CERS6: variants seen among roughly 807,000 people sequenced by gnomAD.
CERS6 encodes ceramide synthase 6, also known as LAG1 homolog, ceramide synthase 6.
Under a neutral mutation model 56.8 loss-of-function variants are expected in CERS6, and 26 were observed. The observed-to-expected ratio is 0.46, with a 90% CI of 0.34 to 0.63. CERS6 has a LOEUF of 0.63. Ranked by LOEUF, CERS6 falls within the 30% of genes least tolerant of loss-of-function variation. The probability of loss-of-function intolerance (pLI) is 0.01; values close to 1 mark genes in which losing one functional copy is unlikely to be tolerated. For synonymous variants in CERS6, 164 were observed against 173.3 expected (o/e 0.95, Z 0.42); for missense variants, 415 against 467.5 (o/e 0.89, Z 1.04).
At chr2:168,618,969 T>C (rs10930334) in intron 3 of CERS6, among the ~76,000 whole-genome samples, 2,618 of 151,922 alleles carry the variant, frequency 0.017, 103 homozygotes, top group East Asian at 0.16. Flanking sequence ...AACTATACTA[T>C]AAGGCCATAG....
At chr2:168,666,637 C>G (rs1685769194) in intron 4 of CERS6, among the ~76,000 whole-genome samples, 1 of 152,164 alleles carries the variant, frequency 6.6e-6, no homozygotes. Context: ...GTCTTCAGTT[C>G]ATTTGGATAA....
At chr2:168,748,508 A>C (rs1465761637) in intron 8 of CERS6, among the ~76,000 whole-genome samples, 1 of 152,222 alleles carries the variant, frequency 6.6e-6, no homozygotes, top group Non-Finnish European at 1.5e-5. Flanking sequence ...AAGTGTTTGC[A>C]GTGATTTCTG....
At chr2:168,668,381 C>A (rs982089867) in intron 4 of CERS6, among the ~76,000 whole-genome samples, 1 of 152,050 alleles carries the variant, frequency 6.6e-6, no homozygotes, top group Non-Finnish European at 1.5e-5. Context: ...GACAGCATGT[C>A]CTAAGGAGTC....
intron 4 of CERS6, among the ~76,000 whole-genome samples, chr2:168,634,444 G>A (rs188426031): frequency 1.6e-4 from 24 of 152,162 alleles, no homozygotes; most frequent in African/African-American, 4.8e-4. Flanking sequence ...ATGGAGTCTC[G>A]CTCTGCCGCC....
intron 1 of CERS6, among the ~76,000 whole-genome samples, chr2:168,517,617 GAAGCCTTT>G (rs1271300465): frequency 1.1e-4 from 17 of 151,982 alleles, no homozygotes; most frequent in Non-Finnish European, 2.9e-5. Context: ...AAGGGCTATT[GAAGCCTTT>G]AATGCCTCTT....
chr2:168,527,137 A>G lies in CERS6; in HGVS notation c.171-20459A>G. Among the ~76,000 whole-genome samples the G allele has an allele frequency of 1.3e-5, 2 of 152,196 alleles. 1 individual carries two copies. The highest frequency in any genetic ancestry group is 2.9e-5 in the Non-Finnish European group (2 of 68,046). On this transcript the variant is annotated intron_variant, in intron 1 of 9. Coordinates refer to ENST00000305747, the MANE Select transcript of CERS6 (RefSeq NM_203463.3). The stretch of plus-strand genomic sequence containing the variant: ...CTTGGCTGGAAGAGGAAGACTGGAC[A>G]TGCTTATCCTGTTTGCCTCCTTTCC...
chr2:168,582,246 G>A (rs1025050177), intron 3 of CERS6, among the ~76,000 whole-genome samples: 1 of 152,086 alleles, frequency 6.6e-6, no homozygotes, highest in African/African-American at 2.4e-5. Flanking sequence ...TCCACATTAG[G>A]TAGGCACTGG....
chr2:168,718,963 G>C (rs1480773932), intron 8 of CERS6, among the ~76,000 whole-genome samples: 1 of 152,210 alleles, frequency 6.6e-6, no homozygotes, highest in Non-Finnish European at 1.5e-5. Flanking sequence ...TTCATTCTAA[G>C]TACTTGCCCC....
chr2:168,764,361 C>T (rs1054059955), intron 8 of CERS6, among the ~76,000 whole-genome samples: 1 of 152,104 alleles, frequency 6.6e-6, no homozygotes. Flanking sequence ...CCAGGATGGT[C>T]TCAATCTCCT....
intron 1 of CERS6, among the ~76,000 whole-genome samples, chr2:168,487,237 A>G (rs73969226): frequency 1.6e-3 from 241 of 152,238 alleles, no homozygotes; most frequent in African/African-American, 5.5e-3. Flanking sequence ...TTATTTATCT[A>G]TTCCTATAGT....
chr2:168,701,612 T>C (rs888610020), intron 6 of CERS6, among the ~76,000 whole-genome samples: 2 of 152,180 alleles, frequency 1.3e-5, no homozygotes, highest in African/African-American at 4.8e-5. Flanking sequence ...GTAAAAACTA[T>C]AGTTGTCCCT....
intron 3 of CERS6, among the ~76,000 whole-genome samples, chr2:168,591,872 A>G (rs958218927): frequency 3.9e-5 from 6 of 152,182 alleles, no homozygotes; most frequent in Non-Finnish European, 8.8e-5. Flanking sequence ...GAGAAGTACA[A>G]TCCCTTTCTA....
intron 3 of CERS6, among the ~76,000 whole-genome samples, chr2:168,619,303 G>A (rs1362655014): frequency 1.3e-5 from 2 of 152,108 alleles, no homozygotes; most frequent in Non-Finnish European, 2.9e-5. Context: ...GCTTAAGCAA[G>A]TTTTTCATGA....
intron 8 of CERS6, among the ~76,000 whole-genome samples, chr2:168,724,803 C>T (rs1683296054): frequency 6.6e-6 from 1 of 152,232 alleles, no homozygotes; most frequent in Non-Finnish European, 1.5e-5. Context: ...TTCTCCAAGG[C>T]CCCACCAGAC....
intron 8 of CERS6, among the ~76,000 whole-genome samples, chr2:168,730,412 C>A (rs528196122): frequency 6.6e-6 from 1 of 152,148 alleles, no homozygotes; most frequent in Non-Finnish European, 1.5e-5. Flanking sequence ...TTGATGATTG[C>A]GTGTTGTATG....
intron 4 of CERS6, among the ~76,000 whole-genome samples, chr2:168,682,615 G>C (rs919364728): frequency 5.3e-5 from 8 of 152,132 alleles, no homozygotes; most frequent in Admixed American, 3.3e-4. Flanking sequence ...CAGAGCTGCA[G>C]AGGTCATCTA....
rs574179344 is a variant in CERS6, at chr2:168,654,436, G to A, written c.465+23394G>A. ...TGTGCACCTGTGATCCTAGCTACAC[G>A]GGAGGCTGAGGCACAAGAATCACTT... On this transcript the variant is annotated intron_variant, in intron 4 of 9. Coordinates refer to ENST00000305747, the MANE Select transcript of CERS6 (RefSeq NM_203463.3). Among the ~76,000 whole-genome samples the A allele has an allele frequency of 2.6e-5, 4 of 152,210 alleles. No individual in the cohort carries two copies. In the South Asian group the frequency reaches 6.2e-4, roughly 24 times the overall value.
At chr2:168,661,445 C>T (rs543829317) in intron 4 of CERS6, among the ~76,000 whole-genome samples, 158 of 152,262 alleles carry the variant, frequency 1.0e-3, no homozygotes, top group African/African-American at 3.6e-3. Flanking sequence ...TGGAAAGGAG[C>T]ACAGCGATTC....
At chr2:168,536,483 G>A (rs1275075134) in intron 1 of CERS6, among the ~76,000 whole-genome samples, 1 of 152,086 alleles carries the variant, frequency 6.6e-6, no homozygotes, top group Non-Finnish European at 1.5e-5. Flanking sequence ...TGAGATGATA[G>A]ATATATTAAT....
Sources: allele counts gnomAD v4.1 joint callset (sites outside exome capture counted in the v4.1 genomes callset), GRCh38; gene constraint gnomAD v4.1.1; transcripts MANE v1.5; gene names NCBI Gene and HGNC (gene_info 2026-07-23, HGNC 2026-07-21).